The following TRIP12 variants were observed in gnomAD, a reference collection of about 807,000 sequenced individuals.
TRIP12 encodes the protein E3 ubiquitin-protein ligase TRIP12.
Under a neutral mutation model 244.2 loss-of-function variants are expected in TRIP12, and 25 were observed. That is an observed-to-expected ratio of 0.10 (90% CI 0.07 to 0.14). The LOEUF is 0.14. Among genes scored for constraint, TRIP12 ranks in the 10% least tolerant of loss-of-function variants. TRIP12 has a pLI of 1.00. For synonymous variants in TRIP12, 905 were observed against 873.1 expected (o/e 1.04, Z -0.64); for missense variants, 1,677 against 2,486.4 (o/e 0.67, Z 6.92).
At chr2:229,782,993 T>TAAGTGTACACCACATTCATGG (rs2038775220) in intron 34 of TRIP12, among the ~76,000 whole-genome samples, 1 of 152,152 alleles carries the variant, frequency 6.6e-6, no homozygotes, top group Non-Finnish European at 1.5e-5. Context: ...TGTTTAAAAG[T>TAAGTGTACACCACATTCATGG]ATCTGAAAAG....
chr2:229,839,096 C>T (rs544754268), intron 5 of TRIP12, among the ~76,000 whole-genome samples: 20 of 152,342 alleles, frequency 1.3e-4, no homozygotes, highest in Middle Eastern at 6.8e-3. Context: ...GGACGAACCA[C>T]GTATATGACC....
chr2:229,815,788 C>T (rs1386337339), intron 9 of TRIP12, among the ~76,000 whole-genome samples: 1 of 152,088 alleles, frequency 6.6e-6, no homozygotes, highest in East Asian at 1.9e-4. Flanking sequence ...CCATTTGACT[C>T]AGCTTTAAAA....
In TRIP12 at chr2:229,860,510, T is replaced by A. The variant is rs751191063; in HGVS notation, c.120A>T (p.Lys40Asn). The change falls in exon 3 of 42, where the codon AAA becomes AAT. Residue 40 changes from lysine (K) to asparagine (N), a missense_variant. This residue lies in a region of TRIP12 where 387 missense variants were observed against 392.6 expected (regional missense o/e 0.99). Transcript: ENST00000675903. The part of the protein sequence containing the change: ...IGGRSHLGQA[K>N]HKGYSPPESR... ...TCTCAGGAGGGCTATATCCCTTATG[T>A]TTTGCCTGCCCTAAATGTGACCTGT... 2.5e-6 allele frequency: 4 copies of A among 1,609,420 alleles called. No homozygotes were observed. The highest frequency in any genetic ancestry group is 2.5e-6 in the Non-Finnish European group (3 of 1,178,062).
intron 8 of TRIP12, among the ~76,000 whole-genome samples, chr2:229,823,344 T>C (rs371795567): frequency 6.6e-6 from 1 of 152,064 alleles, no homozygotes; most frequent in Non-Finnish European, 1.5e-5. Context: ...CCATGCTGGA[T>C]TGCAGTAGCC....
chr2:229,810,739 A>G, intron 15 of TRIP12, 141 bp downstream of exon 15: 1 of 792,426 alleles, frequency 1.3e-6, no homozygotes, highest in African/African-American at 1.7e-5. Flanking sequence ...ACACAAATTT[A>G]TTACATATTA....
intron 2 of TRIP12, among the ~76,000 whole-genome samples, chr2:229,867,037 T>C (rs2061610825): frequency 1.3e-5 from 2 of 151,324 alleles, no homozygotes; most frequent in Admixed American, 1.3e-4. Flanking sequence ...CAAAAACTAC[T>C]TGTACCCTGA....
In TRIP12 at chr2:229,793,094, T is replaced by C. The variant is rs964339342; in HGVS notation, c.4020A>G (p.Gln1340=). Reference sequence around the variant, plus strand: ...GATGCCTTTGTAACTGGCATTTTAATTGATGTGTGTTGAAAAATTTTAAAG... The same window carrying C: ...GATGCCTTTGTAACTGGCATTTTAACTGATGTGTGTTGAAAAATTTTAAAG... The part of the protein sequence containing the change: ...SQALKFFNTH[Q]LKCQLQRHPD... The change falls in exon 27 of 42, where the codon CAA becomes CAG. Residue 1340 remains glutamine (Q), a synonymous_variant. Coordinates refer to ENST00000675903, the MANE Select transcript of TRIP12 (RefSeq NM_001348323.3). The C allele has an allele frequency of 9.3e-6, 15 of 1,613,698 alleles. No homozygotes were observed. The highest frequency in any genetic ancestry group is 2.2e-5 in the East Asian group (1 of 44,872).
chr2:229,769,170 C>A, intron 40 of TRIP12, 61 bp downstream of exon 40: 1 of 1,480,284 alleles, frequency 6.8e-7, no homozygotes, highest in East Asian at 2.3e-5. Context: ...TGTGTGTACA[C>A]ACACACCCCT....
chr2:229,901,019 C>CG (rs1168642091), intron 1 of TRIP12, among the ~76,000 whole-genome samples: 1 of 151,150 alleles, frequency 6.6e-6, no homozygotes, highest in Non-Finnish European at 1.5e-5. Flanking sequence ...CTGCAACCTC[C>CG]GTCTCCCGGG....
chr2:229,811,669 A>G (rs2047282301), intron 13 of TRIP12, among the ~76,000 whole-genome samples: 1 of 152,234 alleles, frequency 6.6e-6, no homozygotes, highest in Non-Finnish European at 1.5e-5. Context: ...CTATAAAAAC[A>G]AATAATTCAC....
In TRIP12 at chr2:229,774,223, A is replaced by G. The variant is rs780435534; in HGVS notation, c.5568T>C (p.Thr1856=). The change falls in exon 38 of 42, where the codon ACT becomes ACC. Residue 1856 remains threonine, a synonymous_variant. Transcript: ENST00000675903. ...GATCTTCAACTGAGCAGCCATTCAT[A>G]GTCAAGGTTTCTAATGCATACTGTA... The part of the protein sequence containing the change: ...ESLQYALETL[T]MNGCSVEDLG... The G allele has an allele frequency of 6.2e-7, 1 of 1,614,194 alleles. No individual in the cohort carries two copies. Among genetic ancestry groups the G allele is most frequent in the Admixed American group, 1.7e-5 (1 of 60,034 alleles).
intron 4 of TRIP12, among the ~76,000 whole-genome samples, chr2:229,849,007 T>C (rs2058122590): frequency 6.6e-6 from 1 of 152,020 alleles, no homozygotes; most frequent in Non-Finnish European, 1.5e-5. Flanking sequence ...CAAGATGACA[T>C]GAAATCTAGA....
chr2:229,813,807 T>C, intron 13 of TRIP12, 63 bp downstream of exon 13: 2 of 1,182,216 alleles, frequency 1.7e-6, no homozygotes. Context: ...TAAAATAAAA[T>C]ATAAAATTAA....
chr2:229,879,918 G>C, intron 2 of TRIP12, 64 bp downstream of exon 2: 8 of 1,571,792 alleles, frequency 5.1e-6, no homozygotes, highest in Non-Finnish European at 7.0e-6. Context: ...GACCTCGCAA[G>C]GAGGCTTAAA....
At position 229,807,814 on chromosome 2, in the gene TRIP12, A is replaced by G. The variant is rs762135828; in HGVS notation, c.2390T>C (p.Met797Thr). 2 of 1,614,170 alleles carry G rather than the reference A, an allele frequency of 1.2e-6. No individual in the cohort carries two copies. The highest frequency in any genetic ancestry group is 3.3e-5 in the Admixed American group (2 of 60,022). Residue 797 changes from methionine (M) to threonine (T), a missense_variant, in exon 17 of 42, where the codon ATG (methionine) becomes ACG (threonine). By Grantham distance (81) the Met-to-Thr change is moderately conservative. This residue lies in a region of TRIP12 where 572 missense variants were observed against 867.8 expected (regional missense o/e 0.66). Transcript: ENST00000675903. ...PKEGIFAVDT[M>T]LKKGNAQNTD... ...GTTCTGTGCATTTCCCTTCTTCAAC[A>G]TGGTATCAACTGCAAAAATGCCTTC... is the stretch of plus-strand genomic sequence containing the variant.
intron 6 of TRIP12, among the ~76,000 whole-genome samples, chr2:229,835,227 T>TA (rs1316987490): frequency 6.6e-6 from 1 of 152,222 alleles, no homozygotes; most frequent in Non-Finnish European, 1.5e-5. Flanking sequence ...ATGCCACATG[T>TA]ATTTTTTATC....
At chr2:229,898,066 AAG>A (rs1419188581) in intron 1 of TRIP12, among the ~76,000 whole-genome samples, 1 of 152,200 alleles carries the variant, frequency 6.6e-6, no homozygotes, top group Non-Finnish European at 1.5e-5. Context: ...TTTAGAGAGA[AAG>A]AGAGAGACAG....
intron 4 of TRIP12, among the ~76,000 whole-genome samples, chr2:229,847,479 A>G (rs1249070584): frequency 1.3e-5 from 2 of 152,226 alleles, no homozygotes; most frequent in Non-Finnish European, 2.9e-5. Context: ...TCCACATGAA[A>G]TGCCACTAAT....
chr2:229,770,912 G>A (rs554910549), intron 39 of TRIP12, among the ~76,000 whole-genome samples: 1 of 152,130 alleles, frequency 6.6e-6, no homozygotes. Context: ...CCCCAGCCAC[G>A]TGGAACTCTA....
Sources: allele counts gnomAD v4.1 joint callset (sites outside exome capture counted in the v4.1 genomes callset), GRCh38; gene constraint gnomAD v4.1.1; regional missense constraint gnomAD v4.1.1; transcripts MANE v1.5; gene names NCBI Gene and HGNC (gene_info 2026-07-23, HGNC 2026-07-21).